TRIM33: variants seen among roughly 807,000 people sequenced by gnomAD.
The protein encoded by TRIM33 is E3 ubiquitin-protein ligase TRIM33.
Under a neutral mutation model 125.4 loss-of-function variants are expected in TRIM33, and 20 were observed. That is an observed-to-expected ratio of 0.16 (90% CI 0.11 to 0.23). The LOEUF is 0.23. Ranked by LOEUF, TRIM33 falls within the 10% of genes least tolerant of loss-of-function variation. TRIM33 has a pLI of 1.00. For missense variants in TRIM33, 920 were observed against 1,411.4 expected, an observed-to-expected ratio of 0.65 and a Z score of 5.58; for synonymous variants, 564 against 513.9, an observed-to-expected ratio of 1.10 and a Z score of -1.32.
intron 11 of TRIM33, among the ~76,000 whole-genome samples, chr1:114,410,825 C>T (rs1390374092): frequency 1.3e-5 from 2 of 151,974 alleles, no homozygotes; most frequent in African/African-American, 4.8e-5. Flanking sequence ...CCTTCCCTTA[C>T]TTAGAGGCAG....
intron 1 of TRIM33, among the ~76,000 whole-genome samples, chr1:114,473,159 A>C (rs183333659): frequency 6.1e-4 from 93 of 151,500 alleles, no homozygotes; most frequent in African/African-American, 2.1e-3. Context: ...CAGGAGGCTG[A>C]GGCAGGAGAA....
rs78063138 is a variant in TRIM33 at position 114,491,217 on chromosome 1, T to C, written c.526+19334A>G. Among the ~76,000 whole-genome samples, 540 of 152,320 alleles carry C rather than the reference T, an allele frequency of 3.5e-3. 4 individuals carry two copies. Among genetic ancestry groups the C allele is most frequent in the African/African-American group, 0.012 (509 of 41,560 alleles). ...ATATTAATATAAGATCAAATAGACT[T>C]CAGAACAAAAATCAAAGGAAACTAT... On this transcript the variant is annotated intron_variant, in intron 1 of 19. Coordinates refer to ENST00000358465, the MANE Select transcript of TRIM33 (RefSeq NM_015906.4).
At chr1:114,439,739 G>A (rs1325899087) in intron 4 of TRIM33, among the ~76,000 whole-genome samples, 1 of 151,920 alleles carries the variant, frequency 6.6e-6, no homozygotes, top group Non-Finnish European at 1.5e-5. Flanking sequence ...CTACACTAAG[G>A]TATATAATTT....
At chr1:114,487,584 G>C (rs953690253) in intron 1 of TRIM33, among the ~76,000 whole-genome samples, 1 of 151,990 alleles carries the variant, frequency 6.6e-6, no homozygotes, top group Non-Finnish European at 1.5e-5. Flanking sequence ...CTTTGGAAAA[G>C]AACACTGGAA....
At chr1:114,419,503 A>G (rs1307586490) in intron 11 of TRIM33, among the ~76,000 whole-genome samples, 1 of 152,196 alleles carries the variant, frequency 6.6e-6, no homozygotes, top group African/African-American at 2.4e-5. Flanking sequence ...TGCCTGTGAA[A>G]GCGCTTCACA....
At chr1:114,426,150 C>T (rs771517193) in intron 8 of TRIM33, among the ~76,000 whole-genome samples, 1 of 152,150 alleles carries the variant, frequency 6.6e-6, no homozygotes, top group Non-Finnish European at 1.5e-5. Context: ...GTCACAAAAT[C>T]GTCTTCTGTG....
chr1:114,417,541 T>C (rs182290088), intron 11 of TRIM33, among the ~76,000 whole-genome samples: 1 of 152,318 alleles, frequency 6.6e-6, no homozygotes, highest in East Asian at 1.9e-4. Flanking sequence ...TACCATGTGT[T>C]TCCAGGCCTA....
chr1:114,429,858 G>C (rs574210243), intron 6 of TRIM33, among the ~76,000 whole-genome samples: 7 of 152,050 alleles, frequency 4.6e-5, no homozygotes, highest in African/African-American at 1.7e-4. Flanking sequence ...CAATTTCCCA[G>C]AAAACTCCTA....
intron 11 of TRIM33, among the ~76,000 whole-genome samples, chr1:114,411,544 G>A (rs1409580540): frequency 6.6e-6 from 1 of 152,170 alleles, no homozygotes; most frequent in East Asian, 1.9e-4. Context: ...ATATGGGCCA[G>A]AGATGAAAAT....
At chr1:114,510,449 G>C (rs1043471421) in intron 1 of TRIM33, 102 bp downstream of exon 1, 1 of 1,156,324 alleles carries the variant, frequency 8.6e-7, no homozygotes, top group Non-Finnish European at 1.1e-6. Context: ...TCGGGATGGC[G>C]CCCGTCCGAG....
intron 11 of TRIM33, among the ~76,000 whole-genome samples, chr1:114,415,647 C>T (rs1652886907): frequency 2.0e-5 from 3 of 151,958 alleles, no homozygotes. Flanking sequence ...CTGTTTTGAC[C>T]CTGTTTAGAA....
intron 6 of TRIM33, among the ~76,000 whole-genome samples, chr1:114,428,835 AT>A (rs1019602803): frequency 3.3e-5 from 5 of 151,794 alleles, no homozygotes; most frequent in Non-Finnish European, 5.9e-5. Context: ...ACCATTAGGT[AT>A]TTGTATACAC....
chr1:114,421,146 T>A (rs1036933895), intron 11 of TRIM33, among the ~76,000 whole-genome samples: 1 of 152,164 alleles, frequency 6.6e-6, no homozygotes, highest in Non-Finnish European at 1.5e-5. Context: ...AAATGCTGAC[T>A]AATCTCACTT....
chr1:114,458,119 T>C (rs1031191338), intron 4 of TRIM33, among the ~76,000 whole-genome samples: 7 of 152,196 alleles, frequency 4.6e-5, no homozygotes. Context: ...AAAGCAAGCA[T>C]AATAGTTTCT....
chr1:114,450,277 G>T (rs1427626480), intron 4 of TRIM33, among the ~76,000 whole-genome samples: 5 of 152,038 alleles, frequency 3.3e-5, no homozygotes, highest in African/African-American at 4.8e-5. Flanking sequence ...GAGAATACTA[G>T]ATTGAAAACC....
chr1:114,405,675 C>G lies in TRIM33; in HGVS notation c.2503G>C (p.Glu835Gln). ...GCAGGTTCAATTTTCACATGGTTTTCCAGGCTTGCCAATGCATCCAATTCA... is the reference window on the plus strand; with the variant it reads ...GCAGGTTCAATTTTCACATGGTTTTGCAGGCTTGCCAATGCATCCAATTCA... ...ESELDALASL[E>Q]NHVKIEPADM... is the part of the protein sequence containing the mutation. The change falls in exon 15 of 20, where the codon GAA (glutamate) becomes CAA (glutamine). Residue 835 changes from glutamate (E) to glutamine (Q), a missense_variant. Physicochemically the swap from Glu to Gln is conservative, Grantham distance 29 (BLOSUM62 2). Around this residue, in one of 8 missense-constraint regions of TRIM33, gnomAD observed 407 missense variants for 589.7 expected, o/e 0.69. Transcript: ENST00000358465. The G allele has an allele frequency of 1.2e-6, 2 of 1,614,184 alleles. No homozygotes were observed. Among genetic ancestry groups the G allele is most frequent in the African/African-American group, 2.7e-5 (2 of 75,042 alleles).
rs187401262 is a variant in TRIM33, at chr1:114,500,362, G to T, written c.526+10189C>A. On this transcript the variant is annotated intron_variant, in intron 1 of 19. Transcript: ENST00000358465. The stretch of plus-strand genomic sequence containing the variant: ...TTTAAAGAGATGGCGGCGTCTCTCT[G>T]TGTTGCCCAGGCTGGAGTACAGTTG... 1.8e-3 allele frequency among the ~76,000 whole-genome samples: 270 copies of T among 152,152 alleles called. 2 individuals carry two copies. The highest frequency in any genetic ancestry group is 6.2e-3 in the African/African-American group (257 of 41,510).
rs368550636 is a variant in TRIM33 at position 114,407,034 on chromosome 1, G to C, written c.2325C>G (p.Val775=). The C allele has an allele frequency of 9.9e-6, 16 of 1,613,778 alleles. No homozygotes were observed. In the Middle Eastern group the frequency reaches 8.2e-4, roughly 83 times the overall value. The part of the protein sequence containing the change: ...SLSFKSDQVK[V]KQEPGTEDEI... ...CATCTTCAGTCCCAGGTTCTTGCTTGACCTTCACCTGATCAGATTTGAAAC... is the reference window on the plus strand; with the variant it reads ...CATCTTCAGTCCCAGGTTCTTGCTTCACCTTCACCTGATCAGATTTGAAAC... Residue 775 remains valine, a synonymous_variant, in exon 14 of 20, where the codon GTC becomes GTG. Coordinates refer to ENST00000358465, the MANE Select transcript of TRIM33 (RefSeq NM_015906.4).
intron 17 of TRIM33, among the ~76,000 whole-genome samples, chr1:114,399,823 A>T (rs1489182772): frequency 6.6e-6 from 1 of 151,882 alleles, no homozygotes; most frequent in South Asian, 2.1e-4. Flanking sequence ...AAGTCCCCAA[A>T]GTCCTACTTT....
Sources: gnomAD v4.1 joint callset for allele counts (sites outside exome capture counted in the v4.1 genomes callset) on GRCh38, gnomAD v4.1.1 for gene constraint, gnomAD v4.1.1 regional missense constraint, MANE v1.5 for transcripts, NCBI Gene and HGNC (gene_info 2026-07-23, HGNC 2026-07-21) for gene names.